Variants in ABCF1 observed in about 807,000 individuals in gnomAD.
ABCF1 encodes the protein ATP binding cassette subfamily F member 1.
ABCF1 carries 73 observed loss-of-function variants against 126.3 expected under a neutral mutation model. The observed-to-expected ratio is 0.58, with a 90% CI of 0.48 to 0.70. The LOEUF (loss-of-function observed/expected upper bound fraction) is 0.70, where lower values mean the gene tolerates loss of function less well. Among genes scored for constraint, ABCF1 ranks in the 30% least tolerant of loss-of-function variants. The pLI, the probability that ABCF1 is intolerant of heterozygous loss-of-function variation, is 0.00. For synonymous variants in ABCF1, 345 were observed against 396.4 expected (o/e 0.87, Z 1.54); for missense variants, 786 against 1,057.5 (o/e 0.74, Z 3.56).
At position 30,590,562 on chromosome 6, in the gene ABCF1, G is replaced by A. The variant is rs769559771; in HGVS notation, c.2399G>A (p.Arg800Gln). Residue 800 changes from arginine (R) to glutamine (Q), a missense_variant, in exon 25 of 25, where the codon CGA becomes CAA. Physicochemically the swap from Arg to Gln is conservative, Grantham distance 43. This residue lies in a region of ABCF1 where 288 missense variants were observed against 423.5 expected (regional missense o/e 0.68). Transcript: ENST00000326195. Reference sequence around the variant, plus strand: ...GTGATCGTTGTCAGCCATGATGCCCGACTCATCACAGAAACCAATTGCCAG... The same window carrying A: ...GTGATCGTTGTCAGCCATGATGCCCAACTCATCACAGAAACCAATTGCCAG... ...GAVIVVSHDA[R>Q]LITETNCQLW... The A allele has an allele frequency of 4.9e-5, 79 of 1,612,384 alleles. No homozygotes were observed. Among genetic ancestry groups the A allele is most frequent in the Middle Eastern group, 1.6e-4 (1 of 6,082 alleles).
intron 16 of ABCF1, 84 bp from the exon 17 acceptor site, chr6:30,585,795 C>G (rs1041727100): frequency 6.4e-7 from 1 of 1,554,854 alleles, no homozygotes; most frequent in African/African-American, 1.4e-5. Flanking sequence ...ACAGTGATGC[C>G]TACCCCATCA....
rs534263332 is a variant in ABCF1 at position 30,576,436 on chromosome 6, C to T, written c.74-973C>T. On this transcript the variant is annotated intron_variant, in intron 1 of 24. Transcript: ENST00000326195. ...CTGAGTAGCTGGGATTACAGGCGCCCGCCACTATGCCTGGCTAATTTTTTG... is the reference window on the plus strand; with the variant it reads ...CTGAGTAGCTGGGATTACAGGCGCCTGCCACTATGCCTGGCTAATTTTTTG... Among the ~76,000 whole-genome samples, 36 of 151,682 alleles carry T rather than the reference C, an allele frequency of 2.4e-4. 1 individual carries two copies. Among genetic ancestry groups the T allele is most frequent in the Admixed American group, 1.6e-3 (25 of 15,222 alleles).
chr6:30,585,659 T>C lies in ABCF1; in HGVS notation c.1577T>C (p.Leu526Pro). 1 of 1,613,034 alleles carries C rather than the reference T, an allele frequency of 6.2e-7. No homozygotes were observed. The highest frequency in any genetic ancestry group is 8.5e-7 in the Non-Finnish European group (1 of 1,180,036). The change falls in exon 16 of 25, where the codon CTC becomes CCC. Residue 526 changes from leucine to proline, a missense_variant. Transcript: ENST00000326195. The part of the protein sequence containing the change: ...TDIIHLDAQR[L>P]HYYRGNYMTF... ...ATCATCCACCTCGATGCCCAGCGGC[T>C]CCACTACTATAGGGGCAATTACAGT...
chr6:30,576,684 G>A (rs77594175), intron 1 of ABCF1, among the ~76,000 whole-genome samples: 6,732 of 151,990 alleles, frequency 0.044, 273 homozygotes, highest in African/African-American at 0.11. Context: ...AGCCTCCCCA[G>A]TGGATTTCCC....
At position 30,586,437 on chromosome 6, in the gene ABCF1, G is replaced by A; in HGVS notation, c.1886-37G>A. On this transcript the variant is annotated intron_variant, in intron 18 of 24. Coordinates refer to ENST00000326195, the MANE Select transcript of ABCF1 (RefSeq NM_001025091.2). The surrounding 1 kb of genome is among the most constrained non-coding windows in gnomAD (Gnocchi z 4.9). ...ACATGAGAGGGACTTTGCAGGGACT[G>A]AAAAGAATATAAATTGCTTCTTTTC... The A allele has an allele frequency of 1.2e-6, 2 of 1,613,248 alleles. No individual in the cohort carries two copies. Among genetic ancestry groups the A allele is most frequent in the Admixed American group, 1.7e-5 (1 of 60,006 alleles).
Position 30,578,497 on chromosome 6 carries a change from C to G in ABCF1, c.409C>G (p.Gln137Glu), listed in dbSNP as rs909754222. Residue 137 changes from glutamine (Q) to glutamate (E), a missense_variant, in exon 6 of 25, where the codon CAG (glutamine) becomes GAG (glutamate). Gln to Glu is a conservative substitution (Grantham distance 29). Transcript: ENST00000326195. ...TGGTAATGTTTTTGCAGCCCTGATT[C>G]AGGATCAGAGTGAGGAAGAGGAGGA... ...KGGNVFAALI[Q>E]DQSEEEEEEE... 3 of 1,613,836 alleles carry G rather than the reference C, an allele frequency of 1.9e-6. No homozygotes were observed. In the African/African-American group the frequency reaches 4.0e-5, roughly 22 times the overall value.
At chr6:30,582,934 C>G in intron 9 of ABCF1, 132 bp from the exon 10 acceptor site, 1 of 1,207,098 alleles carries the variant, frequency 8.3e-7, no homozygotes, top group Non-Finnish European at 1.2e-6. Flanking sequence ...CTCAAGAGAT[C>G]CACCTACCTC....
intron 1 of ABCF1, among the ~76,000 whole-genome samples, 182 bp downstream of exon 1, chr6:30,571,742 G>A (rs920017265): frequency 1.3e-5 from 2 of 152,118 alleles, no homozygotes; most frequent in Non-Finnish European, 2.9e-5. Flanking sequence ...GGGGTTAAAG[G>A]AAAGAGATCC....
In ABCF1 at chr6:30,590,699, T is replaced by C. The variant is rs752224016; in HGVS notation, c.2536T>C (p.Ter846ArgextTer25). 10 of 1,516,232 alleles carry C rather than the reference T, an allele frequency of 6.6e-6. No individual in the cohort carries two copies. Among genetic ancestry groups the C allele is most frequent in the Non-Finnish European group, 8.8e-6 (10 of 1,142,090 alleles). 93.9% of individuals were successfully genotyped at this position (1,516,232 alleles called of 1,614,324 possible). ...GEVMVSRPRE* is the reference protein window; with the variant it reads ...GEVMVSRPRER Reference sequence around the variant, plus strand: ...AGTCATGGTCAGCCGGCCCCGAGAGTGAGCTTTCCTTCCCAGAAGTCTCCC... The same window carrying C: ...AGTCATGGTCAGCCGGCCCCGAGAGCGAGCTTTCCTTCCCAGAAGTCTCCC... The change falls in exon 25 of 25, where the codon TGA (stop) becomes CGA (arginine). Residue 846 changes from the stop codon to arginine, a stop_lost. Coordinates refer to ENST00000326195, the MANE Select transcript of ABCF1 (RefSeq NM_001025091.2).
chr6:30,578,640 T>G lies in ABCF1; in HGVS notation c.489+63T>G, dbSNP rs117190360. ...TTAGCACCTTCTGGCCATGGTGGAG[T>G]AATTTCCCGCTTTTAAACTAGCTCT... On this transcript the variant is annotated intron_variant, in intron 6 of 24. Transcript: ENST00000326195. The G allele has an allele frequency of 6.8e-3, 9,549 of 1,401,660 alleles. 136 individuals carry two copies. Among genetic ancestry groups the G allele is most frequent in the Middle Eastern group, 0.032 (181 of 5,654 alleles). 86.8% of individuals were successfully genotyped at this position (1,401,660 alleles called of 1,614,324 possible).
rs938615539 is a variant in ABCF1, at chr6:30,586,928, C to G, written c.2031+217C>G. On this transcript the variant is annotated intron_variant, in intron 20 of 24. Transcript: ENST00000326195. The surrounding 1 kb of genome is among the most constrained non-coding windows in gnomAD (Gnocchi z 4.9). ...AATTAAGATAGAACTAGGGGGCACA[C>G]CCACGTGTTTTGGTTATACAAGAAA... 6.6e-5 allele frequency among the ~76,000 whole-genome samples: 10 copies of G among 152,076 alleles called. No individual in the cohort carries two copies. Among genetic ancestry groups the G allele is most frequent in the African/African-American group, 2.2e-4 (9 of 41,394 alleles).
In ABCF1 at chr6:30,574,843, G is replaced by A. The variant is rs1447794123; in HGVS notation, c.74-2566G>A. The stretch of plus-strand genomic sequence containing the variant: ...GGACTTCATAAAGGAACAGAAAGAA[G>A]CCAGTATCGAGACCAGAGGTGTGGG... On this transcript the variant is annotated intron_variant, in intron 1 of 24. Coordinates refer to ENST00000326195, the MANE Select transcript of ABCF1 (RefSeq NM_001025091.2). This position sits in a 1 kb window ranked among gnomAD's most constrained non-coding sequence, Gnocchi z 4.3. Among the ~76,000 whole-genome samples, 7 of 152,074 alleles carry A rather than the reference G, an allele frequency of 4.6e-5. No individual in the cohort carries two copies. The highest frequency in any genetic ancestry group is 4.6e-4 in the Admixed American group (7 of 15,232).
At chr6:30,577,998 G>A (rs1801593321) in intron 3 of ABCF1, 78 bp from the exon 4 acceptor site, 4 of 1,613,550 alleles carry the variant, frequency 2.5e-6, no homozygotes, top group African/African-American at 2.7e-5. Context: ...CCATTCAGCT[G>A]ATGGGGAACC....
Position 30,584,166 on chromosome 6 carries a change from C to A in ABCF1, c.1103-26C>A. The A allele has an allele frequency of 1.2e-6, 2 of 1,600,680 alleles. No individual in the cohort carries two copies. The highest frequency in any genetic ancestry group is 2.2e-5 in the South Asian group (2 of 89,902). ...TGAGACTCTTGGCTCTTGAGGCTGC[C>A]TGACTGTTCTCCCTCTGCCTCCCAG... On this transcript the variant is annotated intron_variant, in intron 12 of 24. Coordinates refer to ENST00000326195, the MANE Select transcript of ABCF1 (RefSeq NM_001025091.2). This position sits in a 1 kb window ranked among gnomAD's most constrained non-coding sequence, Gnocchi z 4.6.
At chr6:30,578,677 C>G in intron 6 of ABCF1, 100 bp downstream of exon 6, 1 of 1,025,706 alleles carries the variant, frequency 9.7e-7, no homozygotes, top group Admixed American at 2.1e-5. Context: ...CTCGGTCTGT[C>G]TTACTTATAC....
At chr6:30,576,274 CTCTTT>C (rs1801493663) in intron 1 of ABCF1, among the ~76,000 whole-genome samples, 1 of 67,102 alleles carries the variant, frequency 1.5e-5, no homozygotes, top group Admixed American at 1.5e-4. Context: ...TCTCTGAGTG[CTCTTT>C]TTTTTTTTTT....
intron 8 of ABCF1, among the ~76,000 whole-genome samples, chr6:30,581,459 G>A (rs1204361700): frequency 2.1e-5 from 3 of 144,328 alleles, no homozygotes; most frequent in Non-Finnish European, 4.5e-5. Context: ...GCTGGAGTGC[G>A]GTGGCGCAAT....
chr6:30,578,131 A>C lies in ABCF1; in HGVS notation c.272A>C (p.Asp91Ala), dbSNP rs577682644. ...KGRRKKDVDD[D>A]GEEKELMERL... ...AGGCGGAAGAAGGATGTGGATGATGATGGAGAAGAGAAAGAGCTCATGGAG... is the reference window on the plus strand; with the variant it reads ...AGGCGGAAGAAGGATGTGGATGATGCTGGAGAAGAGAAAGAGCTCATGGAG... The change falls in exon 4 of 25, where the codon GAT (aspartate) becomes GCT (alanine). Residue 91 changes from aspartate to alanine, a missense_variant. Asp to Ala is a moderately radical substitution (Grantham distance 126, BLOSUM62 -2). Transcript: ENST00000326195. 95 of 1,614,046 alleles carry C rather than the reference A, an allele frequency of 5.9e-5. 1 individual carries two copies. The South Asian group carries it at 1.0e-3, about 17-fold the overall frequency.
rs1582596993 is a variant in ABCF1 at position 30,586,617 on chromosome 6, G to C, written c.1961-24G>C. On this transcript the variant is annotated intron_variant, in intron 19 of 24. Coordinates refer to ENST00000326195, the MANE Select transcript of ABCF1 (RefSeq NM_001025091.2). The surrounding 1 kb of genome is among the most constrained non-coding windows in gnomAD (Gnocchi z 4.9). Reference sequence around the variant, plus strand: ...AGGGAGAGTCTCTGGGGACCTCTTTGACCACCTGTCTTCCATCTTGCAGTT... The same window carrying C: ...AGGGAGAGTCTCTGGGGACCTCTTTCACCACCTGTCTTCCATCTTGCAGTT... The C allele has an allele frequency of 6.2e-7, 1 of 1,613,224 alleles. No individual in the cohort carries two copies. The highest frequency in any genetic ancestry group is 8.5e-7 in the Non-Finnish European group (1 of 1,179,978).
Sources: gnomAD v4.1 joint callset for allele counts (sites outside exome capture counted in the v4.1 genomes callset) on GRCh38, gnomAD v4.1.1 for gene constraint, gnomAD v4.1.1 regional missense constraint, Gnocchi (gnomAD v3.1) non-coding constraint, MANE v1.5 for transcripts, NCBI Gene and HGNC (gene_info 2026-07-23, HGNC 2026-07-21) for gene names.